ADD1: variants seen among roughly 807,000 people sequenced by gnomAD.
The protein encoded by ADD1 is adducin 1.
A neutral mutation model predicts 80.5 loss-of-function variants in ADD1; 24 were observed. The observed-to-expected ratio is 0.30, with a 90% CI of 0.22 to 0.42. The LOEUF (loss-of-function observed/expected upper bound fraction) is 0.42. Among genes scored for constraint, ADD1 ranks in the 10% least tolerant of loss-of-function variants. The pLI, the probability that ADD1 is intolerant of heterozygous loss-of-function variation, is 1.00. For synonymous variants in ADD1, 373 were observed against 393.8 expected, an observed-to-expected ratio of 0.95 and a Z score of 0.63; for missense variants, 948 against 1,019.0, an observed-to-expected ratio of 0.93 and a Z score of 0.95.
chr4:2,902,547 T>A (rs1332298457), intron 9 of ADD1: 1 of 151,944 alleles, frequency 6.6e-6, no homozygotes, highest in Non-Finnish European at 1.5e-5. Context: ...AAGACCAGCC[T>A]GGCCAACATG....
chr4:2,908,065 G>A (rs1267728823), intron 11 of ADD1, among the ~76,000 whole-genome samples: 1 of 152,172 alleles, frequency 6.6e-6, no homozygotes, highest in African/African-American at 2.4e-5. Flanking sequence ...ACTGATGTTT[G>A]CTCACGATGT....
intron 14 of ADD1, among the ~76,000 whole-genome samples, chr4:2,915,683 T>C (rs1738882891): frequency 6.6e-6 from 1 of 151,790 alleles, no homozygotes; most frequent in South Asian, 2.1e-4. Flanking sequence ...ATTAGCCAGG[T>C]GTAGTGGCGC....
At chr4:2,844,120 C>T (rs1197244829) in intron 1 of ADD1, 96 bp downstream of exon 1, 2 of 147,694 alleles carry the variant, frequency 1.4e-5, no homozygotes, top group Non-Finnish European at 1.5e-5. Context: ...GGGCGGGGGC[C>T]GCGGGGCCTG....
chr4:2,850,931 G>A (rs1034852074), intron 1 of ADD1, among the ~76,000 whole-genome samples: 1 of 152,206 alleles, frequency 6.6e-6, no homozygotes, highest in East Asian at 1.9e-4. Context: ...CTCCAGCTGG[G>A]GAGAATGGAG....
intron 1 of ADD1, among the ~76,000 whole-genome samples, chr4:2,852,027 C>T (rs868450928): frequency 2.0e-5 from 3 of 151,986 alleles, no homozygotes; most frequent in Non-Finnish European, 4.4e-5. Context: ...TTAGTAGAGA[C>T]GGGGTTTCCC....
At chr4:2,923,365 C>T (rs1317504130) in intron 14 of ADD1, among the ~76,000 whole-genome samples, 1 of 152,226 alleles carries the variant, frequency 6.6e-6, no homozygotes, top group Non-Finnish European at 1.5e-5. Flanking sequence ...GCCACAGTCC[C>T]TCATGGCTTC....
chr4:2,877,530 G>C (rs1731549627), intron 2 of ADD1, among the ~76,000 whole-genome samples: 1 of 151,800 alleles, frequency 6.6e-6, no homozygotes, highest in African/African-American at 2.4e-5. Flanking sequence ...TCTAGTCGAA[G>C]GAAATAAACA....
chr4:2,911,448 A>AT (rs33935514), intron 13 of ADD1, among the ~76,000 whole-genome samples: 22,910 of 130,408 alleles, frequency 0.18, 2,278 homozygotes, highest in East Asian at 0.35. Context: ...ATATATATAT[A>AT]TTTTTTTTTT....
At chr4:2,896,303 G>A (rs1307706437) in intron 6 of ADD1, among the ~76,000 whole-genome samples, 1 of 151,608 alleles carries the variant, frequency 6.6e-6, no homozygotes, top group African/African-American at 2.4e-5. Flanking sequence ...CTGCCCCTCG[G>A]GTTCAAGCAG....
chr4:2,906,688 G>A (rs1737123944), intron 10 of ADD1, among the ~76,000 whole-genome samples: 1 of 152,194 alleles, frequency 6.6e-6, no homozygotes, highest in South Asian at 2.1e-4. Flanking sequence ...ATGTGTTCAA[G>A]TTTCTGAGGT....
chr4:2,921,231 C>CAGAA (rs1476976258), intron 14 of ADD1, among the ~76,000 whole-genome samples: 1 of 152,092 alleles, frequency 6.6e-6, no homozygotes, highest in Non-Finnish European at 1.5e-5. Flanking sequence ...GGGTTCACAC[C>CAGAA]ATTCTCCTGC....
At chr4:2,887,408 AATAG>A (rs1278100015) in intron 4 of ADD1, 1 of 151,406 alleles carries the variant, frequency 6.6e-6, no homozygotes, top group African/African-American at 2.4e-5. Flanking sequence ...GATTGTCTGA[AATAG>A]ATCTTTAAGA....
intron 3 of ADD1, among the ~76,000 whole-genome samples, chr4:2,883,675 TTTC>T (rs1473088306): frequency 6.6e-6 from 1 of 151,814 alleles, no homozygotes; most frequent in African/African-American, 2.4e-5. Context: ...ATTTTTCTCT[TTTC>T]TTTTTTTTTT....
intron 1 of ADD1, among the ~76,000 whole-genome samples, chr4:2,858,237 T>C (rs2108813975): frequency 6.6e-6 from 1 of 152,354 alleles, no homozygotes; most frequent in East Asian, 1.9e-4. Flanking sequence ...AGTCAGTCTT[T>C]AAAGATGATG....
At chr4:2,897,585 T>C (rs1735470453) in intron 6 of ADD1, among the ~76,000 whole-genome samples, 1 of 146,848 alleles carries the variant, frequency 6.8e-6, no homozygotes, top group South Asian at 2.1e-4. Context: ...GGGTCTCATA[T>C]GTTGCCCAGG....
At chr4:2,882,567 C>G (rs1368194558) in intron 3 of ADD1, among the ~76,000 whole-genome samples, 1 of 152,206 alleles carries the variant, frequency 6.6e-6, no homozygotes, top group African/African-American at 2.4e-5. Flanking sequence ...AAAGCATCAA[C>G]TAATCTGAGC....
intron 1 of ADD1, among the ~76,000 whole-genome samples, chr4:2,869,255 G>T (rs1410596319): frequency 6.6e-6 from 1 of 152,198 alleles, no homozygotes. Flanking sequence ...AGATCAGGGT[G>T]TGGGCAGGGC....
At chr4:2,898,588 CAT>C in intron 8 of ADD1, 57 bp downstream of exon 8, 1 of 1,490,862 alleles carries the variant, frequency 6.7e-7, no homozygotes, top group Non-Finnish European at 9.4e-7. Context: ...CTGGGGTTCA[CAT>C]AGATTTTTTT....
chr4:2,905,960 A>T (rs557614425), intron 10 of ADD1, among the ~76,000 whole-genome samples: 1 of 152,262 alleles, frequency 6.6e-6, no homozygotes, highest in Non-Finnish European at 1.5e-5. Flanking sequence ...CCATTTCCAG[A>T]AGCCCCTGGA....
Sources: gnomAD v4.1 joint callset for allele counts (sites outside exome capture counted in the v4.1 genomes callset) on GRCh38, gnomAD v4.1.1 for gene constraint, MANE v1.5 for transcripts, NCBI Gene and HGNC (gene_info 2026-07-23, HGNC 2026-07-21) for gene names.